Variants in LPP observed in about 807,000 individuals in gnomAD.
LPP encodes lipoma-preferred partner.
LPP carries 38 observed loss-of-function variants against 60.4 expected under a neutral mutation model. That is an observed-to-expected ratio of 0.63 (90% confidence interval 0.49 to 0.83). The LOEUF (loss-of-function observed/expected upper bound fraction) is 0.83. Ranked by LOEUF, LPP falls within the 40% of genes least tolerant of loss-of-function variation. The pLI is 0.00. For synonymous variants in LPP, 328 were observed against 290.8 expected (o/e 1.13, Z -1.30); for missense variants, 902 against 783.6 (o/e 1.15, Z -1.80).
Position 188,890,273 on chromosome 3 carries a change from T to G in LPP, c.*15794T>G, listed in dbSNP as rs1771107381. On this transcript the variant is annotated 3_prime_UTR_variant, in exon 12 of 12. Transcript: ENST00000617246. ...TTAGGGAAAGGCACACAAAAACATATAAAGAATATGTCTATTTTCATATGT... is the reference window on the plus strand; with the variant it reads ...TTAGGGAAAGGCACACAAAAACATAGAAAGAATATGTCTATTTTCATATGT... The G allele has an allele frequency of 4.7e-6, 1 of 210,984 alleles. No homozygotes were observed. Among genetic ancestry groups the G allele is most frequent in the African/African-American group, 2.3e-5 (1 of 44,134 alleles). The allele number at this position is 210,984 out of a possible 1,614,324, so 13.1% of individuals were successfully genotyped here.
chr3:188,888,859 T>C lies in LPP; in HGVS notation c.*14380T>C, dbSNP rs541004655. 5.0e-5 allele frequency: 11 copies of C among 220,000 alleles called. No homozygotes were observed. Among genetic ancestry groups the C allele is most frequent in the South Asian group, 3.7e-4 (2 of 5,430 alleles). The allele number at this position is 220,000 out of a possible 1,614,324, so 13.6% of individuals were successfully genotyped here. On this transcript the variant is annotated 3_prime_UTR_variant, in exon 12 of 12. Transcript: ENST00000617246. Reference sequence around the variant, plus strand: ...ATCCCTTGCTGATACAGCTTCTTTATATTTATATCCTACTGGATGGTAGCA... The same window carrying C: ...ATCCCTTGCTGATACAGCTTCTTTACATTTATATCCTACTGGATGGTAGCA...
chr3:188,466,834 T>TATATATAG lies in LPP; in HGVS notation c.194-17751_194-17750insGATATATA, dbSNP rs1553906196. 8.4e-3 allele frequency among the ~76,000 whole-genome samples: 1,055 copies of TATATATAG among 126,108 alleles called. 26 individuals are homozygous for TATATATAG. Among genetic ancestry groups the TATATATAG allele is most frequent in the Non-Finnish European group, 0.011 (690 of 60,676 alleles). 82.7% of individuals were successfully genotyped at this position (126,108 alleles called of 152,430 possible). ...ATATATATATATATATATATATATATATATATATGCTGTGTAAACTCCACC... is the reference window on the plus strand; with the variant it reads ...ATATATATATATATATATATATATATATATATAGATATATATGCTGTGTAAACTCCACC... On this transcript the variant is annotated intron_variant, in intron 4 of 11. Coordinates refer to ENST00000617246, the MANE Select transcript of LPP (RefSeq NM_001375462.1).
chr3:188,326,552 C>T (rs1327361507), intron 2 of LPP, among the ~76,000 whole-genome samples: 2 of 152,088 alleles, frequency 1.3e-5, no homozygotes, highest in African/African-American at 2.4e-5. Context: ...TATAACTTAA[C>T]GTTATTCTGT....
rs1771526444 is a variant in LPP, at chr3:188,367,378, CTG to C, written c.-10+25660_-10+25661del. Among the ~76,000 whole-genome samples, 6 of 152,204 alleles carry C rather than the reference CTG, an allele frequency of 3.9e-5. No homozygotes were observed. The South Asian group carries it at 1.0e-3, about 26-fold the overall frequency. ...AAAATCTCAAGAAGTAGAAATCACT[CTG>C]AGTGTCAAATATTTTAGTTGCCTAT... On this transcript the variant is annotated intron_variant, in intron 3 of 11. Coordinates refer to ENST00000617246, the MANE Select transcript of LPP (RefSeq NM_001375462.1).
chr3:188,666,708 TCACTTGTCCACA>T (rs1855875632), intron 7 of LPP, among the ~76,000 whole-genome samples: 1 of 152,198 alleles, frequency 6.6e-6, no homozygotes, highest in Non-Finnish European at 1.5e-5. Context: ...TCGGTGCCAA[TCACTTGTCCACA>T]CACTGGAAGT....
chr3:188,568,135 C>G (rs1173884984), intron 6 of LPP: 1 of 151,948 alleles, frequency 6.6e-6, no homozygotes, highest in Non-Finnish European at 1.5e-5. Flanking sequence ...TGAGGAGCTT[C>G]ATATAAATTG....
chr3:188,405,907 T>C (rs1783373589), intron 3 of LPP, among the ~76,000 whole-genome samples: 1 of 149,970 alleles, frequency 6.7e-6, no homozygotes, highest in Admixed American at 6.7e-5. Flanking sequence ...CTCCTTTTCC[T>C]CTCCTTCCTC....
intron 2 of LPP, among the ~76,000 whole-genome samples, chr3:188,254,275 A>G (rs1220924387): frequency 6.6e-6 from 1 of 152,216 alleles, no homozygotes; most frequent in Non-Finnish European, 1.5e-5. Context: ...TTATCAGTTC[A>G]GTAGGTGTTG....
At chr3:188,300,914 GT>G (rs1446936249) in intron 2 of LPP, among the ~76,000 whole-genome samples, 1 of 152,184 alleles carries the variant, frequency 6.6e-6, no homozygotes, top group Admixed American at 6.5e-5. Context: ...TGAAGGAGTA[GT>G]AAGCTGTGAG....
intron 9 of LPP, among the ~76,000 whole-genome samples, chr3:188,848,284 G>A (rs1206178262): frequency 2.0e-5 from 3 of 152,256 alleles, no homozygotes; most frequent in South Asian, 2.1e-4. Flanking sequence ...ATGAGTCTCC[G>A]GGTAGAGCTG....
chr3:188,599,129 A>G (rs1840565843), intron 6 of LPP, among the ~76,000 whole-genome samples: 2 of 152,124 alleles, frequency 1.3e-5, no homozygotes, highest in Admixed American at 6.6e-5. Flanking sequence ...AGTGTACTGT[A>G]TGGGTATTTA....
intron 9 of LPP, among the ~76,000 whole-genome samples, chr3:188,834,223 C>A (rs754328505): frequency 2.0e-4 from 30 of 151,108 alleles, no homozygotes; most frequent in Non-Finnish European, 3.5e-4. Context: ...TATCAAGTGG[C>A]GGGAACATAT....
At chr3:188,279,756 C>T (rs1741275746) in intron 2 of LPP, among the ~76,000 whole-genome samples, 1 of 152,178 alleles carries the variant, frequency 6.6e-6, no homozygotes, top group East Asian at 1.9e-4. Flanking sequence ...GATTTTAGGG[C>T]TGTATCAAAT....
At chr3:188,365,952 A>G (rs1044069587) in intron 3 of LPP, among the ~76,000 whole-genome samples, 1 of 152,206 alleles carries the variant, frequency 6.6e-6, no homozygotes. Flanking sequence ...TGTACAATAC[A>G]GTATTAACTA....
chr3:188,480,620 C>T (rs1804505220), intron 4 of LPP, among the ~76,000 whole-genome samples: 1 of 152,174 alleles, frequency 6.6e-6, no homozygotes, highest in Non-Finnish European at 1.5e-5. Context: ...ACATCGCTGC[C>T]AATTGCCGGA....
At chr3:188,856,595 G>A (rs1763893089) in intron 9 of LPP, among the ~76,000 whole-genome samples, 1 of 152,108 alleles carries the variant, frequency 6.6e-6, no homozygotes, top group Non-Finnish European at 1.5e-5. Flanking sequence ...AATTCTCATT[G>A]TTAAGAGATT....
chr3:188,172,335 A>G (rs1721820636), intron 1 of LPP, among the ~76,000 whole-genome samples: 1 of 152,214 alleles, frequency 6.6e-6, no homozygotes, highest in Non-Finnish European at 1.5e-5. Context: ...CTTGTTGCTC[A>G]GTATTTTTAG....
chr3:188,484,595 A>G lies in LPP; in HGVS notation c.197A>G (p.Asp66Gly), dbSNP rs1256928870. 6.2e-7 allele frequency: 1 copy of G among 1,609,198 alleles called. No individual in the cohort carries two copies. The highest frequency in any genetic ancestry group is 1.1e-5 in the South Asian group (1 of 90,874). The change falls in exon 5 of 12, where the codon GAT becomes GGT. Residue 66 changes from aspartate to glycine, a missense_variant. Transcript: ENST00000617246. ...GTTGTTTACTTCTTTTCTGTAGGTGATTTTCTTCCACCCCCACCTCCACCT... is the reference window on the plus strand; with the variant it reads ...GTTGTTTACTTCTTTTCTGTAGGTGGTTTTCTTCCACCCCCACCTCCACCT... Reference protein sequence around the residue: ...NPYKQPGGEGDFLPPPPPPLD... With the variant: ...NPYKQPGGEGGFLPPPPPPLD...
chr3:188,593,906 C>T (rs562666221), intron 6 of LPP, among the ~76,000 whole-genome samples: 3 of 152,168 alleles, frequency 2.0e-5, no homozygotes, highest in African/African-American at 4.8e-5. Context: ...TATAAACACA[C>T]GTGTGCAAGT....
Sources: allele counts gnomAD v4.1 joint callset (sites outside exome capture counted in the v4.1 genomes callset), GRCh38; gene constraint gnomAD v4.1.1; transcripts MANE v1.5; gene names NCBI Gene and HGNC (gene_info 2026-07-23, HGNC 2026-07-21).